Variants in OSBP2 observed in about 807,000 individuals in gnomAD.
The protein encoded by OSBP2 is oxysterol binding protein 2, also known as oxysterol-binding protein 2.
In OSBP2, 66 loss-of-function variants were observed where a neutral mutation model predicts 96.0. The ratio of observed to expected loss-of-function variants is 0.69; its 90% CI spans 0.56 to 0.84. OSBP2 has a LOEUF of 0.84. Ranked by LOEUF, OSBP2 falls within the 40% of genes least tolerant of loss-of-function variation. The probability of loss-of-function intolerance (pLI) is 0.00; values close to 1 mark genes in which losing one functional copy is unlikely to be tolerated. For missense variants in OSBP2, 1,038 were observed against 1,222.7 expected (o/e 0.85, Z 2.25); for synonymous variants, 525 against 520.9 (o/e 1.01, Z -0.11).
intron 1 of OSBP2, among the ~76,000 whole-genome samples, chr22:30,723,412 T>A (rs1055742710): frequency 5.3e-5 from 8 of 151,152 alleles, no homozygotes; most frequent in Non-Finnish European, 8.8e-5. Flanking sequence ...GCCTTATTTA[T>A]TTATGTATTT....
Position 30,739,424 on chromosome 22 carries a change from T to A in OSBP2, c.645-1737T>A, listed in dbSNP as rs181814027. Among the ~76,000 whole-genome samples the A allele has an allele frequency of 4.1e-3, 629 of 152,310 alleles. 1 individual carries two copies. The highest frequency in any genetic ancestry group is 6.2e-3 in the Non-Finnish European group (421 of 68,030). On this transcript the variant is annotated intron_variant, in intron 1 of 13. Transcript: ENST00000332585. Reference sequence around the variant, plus strand: ...CGTCTGCCCCCTCAGGCTCTGGGCCTCCAATTTCAGTTTTAATGGCAGGAT... The same window carrying A: ...CGTCTGCCCCCTCAGGCTCTGGGCCACCAATTTCAGTTTTAATGGCAGGAT...
intron 2 of OSBP2, among the ~76,000 whole-genome samples, chr22:30,789,145 C>T (rs1569124586): frequency 6.6e-6 from 1 of 152,158 alleles, no homozygotes; most frequent in South Asian, 2.1e-4. Context: ...CATGTCCCTG[C>T]AGGAACAGAT....
At chr22:30,808,078 C>T (rs1292402204) in intron 2 of OSBP2, among the ~76,000 whole-genome samples, 1 of 152,216 alleles carries the variant, frequency 6.6e-6, no homozygotes, top group African/African-American at 2.4e-5. Flanking sequence ...GTGTGAGCCA[C>T]TATGCCCAGC....
chr22:30,885,970 T>C (rs1052998536), intron 3 of OSBP2, among the ~76,000 whole-genome samples: 2 of 152,260 alleles, frequency 1.3e-5, no homozygotes, highest in African/African-American at 4.8e-5. Flanking sequence ...GCAGTAAGCA[T>C]GTTTGTGACC....
rs143730088 is a variant in OSBP2 at position 30,867,992 on chromosome 22, G to C, written c.854-2437G>C. ...GATGACGTGTGCCTCAGGGACAGGTGGTAAGAGCACAGGCTCTAAAGCCAG... is the reference window on the plus strand; with the variant it reads ...GATGACGTGTGCCTCAGGGACAGGTCGTAAGAGCACAGGCTCTAAAGCCAG... On this transcript the variant is annotated intron_variant, in intron 2 of 13. Transcript: ENST00000332585. 1.9e-3 allele frequency among the ~76,000 whole-genome samples: 295 copies of C among 152,368 alleles called. 1 individual carries two copies. The highest frequency in any genetic ancestry group is 6.8e-3 in the African/African-American group (284 of 41,588).
rs1191165719 is a variant in OSBP2 at position 30,730,716 on chromosome 22, GTCTCTCTCTCTCTCTCTCTCTCTCTC to G, written c.645-10411_645-10386del. On this transcript the variant is annotated intron_variant, in intron 1 of 13. Transcript: ENST00000332585. ...CATCTGGATTCAGATTCGCTGCCCT[GTCTCTCTCTCTCTCTCTCTCTCTCTC>G]TCTCTCTCTCTCTCTCTCTCTCTCT... is the stretch of plus-strand genomic sequence containing the variant. Among the ~76,000 whole-genome samples, 32 of 19,962 alleles carry G rather than the reference GTCTCTCTCTCTCTCTCTCTCTCTCTC, an allele frequency of 1.6e-3. 1 individual carries two copies. In the South Asian group the frequency reaches 0.024, roughly 15 times the overall value. The allele number at this position is 19,962 out of a possible 152,430, so 13.1% of individuals were successfully genotyped here. A position where few individuals can be genotyped will look rare whatever the true frequency, so the allele number is the denominator to read the frequency against.
At chr22:30,703,283 C>T (rs1040468002) in intron 1 of OSBP2, among the ~76,000 whole-genome samples, 4 of 151,652 alleles carry the variant, frequency 2.6e-5, no homozygotes, top group African/African-American at 9.7e-5. Flanking sequence ...AAGCGATTTT[C>T]CTGCCTCAGC....
intron 2 of OSBP2, among the ~76,000 whole-genome samples, chr22:30,769,218 G>C (rs1313424943): frequency 1.3e-5 from 2 of 152,208 alleles, no homozygotes; most frequent in African/African-American, 2.4e-5. Context: ...TGGGATTCTG[G>C]CGTTGCTGTT....
At chr22:30,813,959 C>T (rs1450501733) in intron 2 of OSBP2, among the ~76,000 whole-genome samples, 3 of 151,912 alleles carry the variant, frequency 2.0e-5, no homozygotes, top group East Asian at 1.9e-4. Context: ...CATGCCATCA[C>T]GTCCAGCAAA....
intron 2 of OSBP2, among the ~76,000 whole-genome samples, chr22:30,766,014 C>T (rs143749335): frequency 6.6e-6 from 1 of 152,202 alleles, no homozygotes; most frequent in East Asian, 1.9e-4. Context: ...GTGGGAGGAT[C>T]GCTTGAGGCC....
chr22:30,729,663 A>G (rs1024531626), intron 1 of OSBP2, among the ~76,000 whole-genome samples: 4 of 151,348 alleles, frequency 2.6e-5, no homozygotes, highest in African/African-American at 4.9e-5. Context: ...ATGTGTGTGT[A>G]TATATGTGTG....
intron 5 of OSBP2, among the ~76,000 whole-genome samples, 154 bp downstream of exon 5, chr22:30,888,494 A>C (rs1303977080): frequency 6.6e-6 from 1 of 152,156 alleles, no homozygotes; most frequent in Non-Finnish European, 1.5e-5. Context: ...TGGGAGGCCA[A>C]GGGTAAGAAG....
At position 30,893,190 on chromosome 22, in the gene OSBP2, G is replaced by A; in HGVS notation, c.1938G>A (p.Glu646=). ...FSKHGWSLWQ[E]ITISSKFRGK... Reference sequence around the variant, plus strand: ...AGCATGGCTGGAGCCTCTGGCAGGAGATCACCATCTCCAGCAAGTTCCGGG... The same window carrying A: ...AGCATGGCTGGAGCCTCTGGCAGGAAATCACCATCTCCAGCAAGTTCCGGG... Residue 646 remains glutamate (E), a synonymous_variant, in exon 9 of 14, where the codon GAG becomes GAA. Transcript: ENST00000332585. The A allele has an allele frequency of 6.2e-7, 1 of 1,614,132 alleles. No homozygotes were observed. Among genetic ancestry groups the A allele is most frequent in the Admixed American group, 1.7e-5 (1 of 60,026 alleles).
At chr22:30,797,354 C>G (rs1229047989) in intron 2 of OSBP2, among the ~76,000 whole-genome samples, 2 of 152,182 alleles carry the variant, frequency 1.3e-5, no homozygotes, top group Admixed American at 1.3e-4. Context: ...ACAATCTTGG[C>G]TCACTGCAAA....
At chr22:30,818,293 T>A (rs891351766) in intron 2 of OSBP2, among the ~76,000 whole-genome samples, 1 of 152,332 alleles carries the variant, frequency 6.6e-6, no homozygotes, top group Non-Finnish European at 1.5e-5. Context: ...GTTTTTTTTT[T>A]AGCACGGTTT....
At chr22:30,758,097 C>T (rs1374774140) in intron 2 of OSBP2, among the ~76,000 whole-genome samples, 1 of 152,178 alleles carries the variant, frequency 6.6e-6, no homozygotes, top group Non-Finnish European at 1.5e-5. Flanking sequence ...AGGTTTCACT[C>T]TGCAGCTATG....
At chr22:30,789,915 C>T (rs1007680080) in intron 2 of OSBP2, among the ~76,000 whole-genome samples, 3 of 152,064 alleles carry the variant, frequency 2.0e-5, no homozygotes, top group African/African-American at 7.2e-5. Context: ...TTATTTTGTG[C>T]CATGCTCTTT....
At chr22:30,877,860 T>C (rs2039617607) in intron 3 of OSBP2, among the ~76,000 whole-genome samples, 1 of 152,250 alleles carries the variant, frequency 6.6e-6, no homozygotes, top group Non-Finnish European at 1.5e-5. Flanking sequence ...TCTGACCACA[T>C]GACCCCCTGT....
intron 2 of OSBP2, among the ~76,000 whole-genome samples, chr22:30,791,012 CTT>C (rs1406050671): frequency 1.3e-5 from 2 of 152,066 alleles, no homozygotes; most frequent in African/African-American, 2.4e-5. Flanking sequence ...GAGTTTCTCT[CTT>C]GTTTTGTCAC....
Sources: allele counts gnomAD v4.1 joint callset (sites outside exome capture counted in the v4.1 genomes callset), GRCh38; gene constraint gnomAD v4.1.1; transcripts MANE v1.5; gene names NCBI Gene and HGNC (gene_info 2026-07-23, HGNC 2026-07-21).